ADAM19: variants seen among roughly 807,000 people sequenced by gnomAD.
ADAM19 encodes the protein disintegrin and metalloproteinase domain-containing protein 19.
A neutral mutation model predicts 114.7 loss-of-function variants in ADAM19; 65 were observed. That is an observed-to-expected ratio of 0.57 (90% CI 0.46 to 0.70). The LOEUF (loss-of-function observed/expected upper bound fraction) is 0.70, where lower values mean the gene tolerates loss of function less well. Ranked by LOEUF, ADAM19 falls within the 30% of genes least tolerant of loss-of-function variation. The probability of loss-of-function intolerance (pLI) is 0.00; values close to 1 mark genes in which losing one functional copy is unlikely to be tolerated. For synonymous variants in ADAM19, 466 were observed against 460.5 expected (o/e 1.01, Z -0.15); for missense variants, 1,063 against 1,204.7 (o/e 0.88, Z 1.74).
rs369540437 is a variant in ADAM19 at position 157,556,022 on chromosome 5, G to A, written c.251+8351C>T. ...ATCCAAGATAATCTTCTCATCTCAA[G>A]ATCTTTGATTTTGTTGTTGTTGTTG... On this transcript the variant is annotated intron_variant, in intron 3 of 22. Coordinates refer to ENST00000257527, the MANE Select transcript of ADAM19 (RefSeq NM_033274.5). 3.3e-5 allele frequency among the ~76,000 whole-genome samples: 5 copies of A among 152,136 alleles called. No homozygotes were observed. In the East Asian group the frequency reaches 7.7e-4, roughly 24 times the overall value.
chr5:157,507,005 G>T (rs1473497246), intron 10 of ADAM19, 51 bp downstream of exon 10: 1 of 1,496,208 alleles, frequency 6.7e-7, no homozygotes, highest in Non-Finnish European at 9.3e-7. Flanking sequence ...CTCTGGTCTT[G>T]AAAGGCAGCT....
chr5:157,528,444 C>T (rs142922412), intron 5 of ADAM19, among the ~76,000 whole-genome samples: 64 of 152,348 alleles, frequency 4.2e-4, no homozygotes, highest in Admixed American at 1.2e-3. Flanking sequence ...TCTTTTTCCT[C>T]CTTCTTGGGA....
At chr5:157,535,437 T>C (rs977449645) in intron 4 of ADAM19, among the ~76,000 whole-genome samples, 6 of 152,256 alleles carry the variant, frequency 3.9e-5, no homozygotes, top group Non-Finnish European at 7.3e-5. Flanking sequence ...GTTTATTCCA[T>C]TCCCATTTTT....
In ADAM19 at chr5:157,504,409, C is replaced by T. The variant is rs368044461; in HGVS notation, c.1130+1260G>A. Among the ~76,000 whole-genome samples, 122 of 152,202 alleles carry T rather than the reference C, an allele frequency of 8.0e-4. 1 individual carries two copies. Among genetic ancestry groups the T allele is most frequent in the African/African-American group, 2.8e-3 (115 of 41,530 alleles). On this transcript the variant is annotated intron_variant, in intron 11 of 22. Coordinates refer to ENST00000257527, the MANE Select transcript of ADAM19 (RefSeq NM_033274.5). ...GGGACCACAGGCGTGCACCACCACG[C>T]CCAGCTAATTTTTGTATTTTTAGCA... is the stretch of plus-strand genomic sequence containing the variant.
rs1286382949 is a variant in ADAM19 at position 157,478,175 on chromosome 5, A to G, written c.*2774T>C. On this transcript the variant is annotated 3_prime_UTR_variant, in exon 23 of 23. Transcript: ENST00000257527. Reference sequence around the variant, plus strand: ...GATTTACCTACATCCCCATCTGCACAAAGAGCTTGCTAACTCACTAACCCA... The same window carrying G: ...GATTTACCTACATCCCCATCTGCACGAAGAGCTTGCTAACTCACTAACCCA... 6.5e-6 allele frequency: 1 copy of G among 154,644 alleles called. No individual in the cohort carries two copies. The highest frequency in any genetic ancestry group is 1.9e-4 in the East Asian group (1 of 5,296). The allele number at this position is 154,644 out of a possible 1,614,324, so 9.6% of individuals were successfully genotyped here.
intron 9 of ADAM19, among the ~76,000 whole-genome samples, chr5:157,508,506 A>C (rs1157450435): frequency 6.6e-6 from 1 of 152,136 alleles, no homozygotes; most frequent in Non-Finnish European, 1.5e-5. Context: ...AGGCTGAGGC[A>C]CTAGAATTGC....
intron 10 of ADAM19, 94 bp from the exon 11 acceptor site, chr5:157,505,902 TCCA>T: frequency 7.3e-7 from 1 of 1,367,286 alleles, no homozygotes; most frequent in Non-Finnish European, 1.0e-6. Flanking sequence ...CTTGCAGGTC[TCCA>T]CCAATTCCAC....
intron 2 of ADAM19, among the ~76,000 whole-genome samples, chr5:157,565,699 A>C (rs1178701602): frequency 6.8e-6 from 1 of 147,416 alleles, no homozygotes; most frequent in African/African-American, 2.5e-5. Flanking sequence ...ACAGAGCGAG[A>C]CACTCTCTCT....
intron 1 of ADAM19, chr5:157,572,247 G>C (rs1160151034): frequency 4.4e-6 from 2 of 454,914 alleles, no homozygotes; most frequent in Non-Finnish European, 8.8e-6. Flanking sequence ...CACCACACCC[G>C]GCTAATTTTT....
intron 4 of ADAM19, among the ~76,000 whole-genome samples, chr5:157,531,754 G>A (rs1221409772): frequency 1.3e-5 from 2 of 152,056 alleles, no homozygotes; most frequent in Middle Eastern, 3.2e-3. Context: ...CTAACAAGAG[G>A]GAAGGACACA....
chr5:157,536,106 A>G (rs1756757041), intron 4 of ADAM19, among the ~76,000 whole-genome samples: 3 of 152,346 alleles, frequency 2.0e-5, no homozygotes, highest in Middle Eastern at 3.4e-3. Flanking sequence ...TTCCCCATCC[A>G]AGAAAGTCTT....
intron 4 of ADAM19, among the ~76,000 whole-genome samples, chr5:157,531,573 A>G (rs1192863034): frequency 6.6e-6 from 1 of 152,106 alleles, no homozygotes. Flanking sequence ...AGGCCGAGGC[A>G]GGAGAATTGC....
intron 16 of ADAM19, among the ~76,000 whole-genome samples, chr5:157,492,701 T>A (rs1163199968): frequency 6.6e-6 from 1 of 152,202 alleles, no homozygotes; most frequent in East Asian, 1.9e-4. Flanking sequence ...TAACTCCTAG[T>A]CCATTTTTAA....
intron 4 of ADAM19, 105 bp from the exon 5 acceptor site, chr5:157,530,988 C>G: frequency 1.1e-6 from 1 of 917,444 alleles, no homozygotes; most frequent in Admixed American, 1.9e-5. Flanking sequence ...TATATACCTA[C>G]CCAACCTTAT....
In ADAM19 at chr5:157,480,221, G is replaced by C; in HGVS notation, c.*728C>G. On this transcript the variant is annotated 3_prime_UTR_variant, in exon 23 of 23. Transcript: ENST00000257527. ...AGCAACTAAAAATTATCCAGAGTCA[G>C]GAGTCGCAACCTTTGGCATCACGGC... 8.1e-6 allele frequency: 8 copies of C among 986,100 alleles called. No individual in the cohort carries two copies. The highest frequency in any genetic ancestry group is 9.6e-6 in the Non-Finnish European group (8 of 830,060). 61.1% of individuals were successfully genotyped at this position (986,100 alleles called of 1,614,324 possible).
At chr5:157,561,009 G>A (rs943285812) in intron 3 of ADAM19, among the ~76,000 whole-genome samples, 4 of 152,188 alleles carry the variant, frequency 2.6e-5, no homozygotes, top group African/African-American at 9.7e-5. Flanking sequence ...TGCACAAACT[G>A]AGGCTTAAAG....
Position 157,493,118 on chromosome 5 carries a change from T to C in ADAM19, c.1763A>G (p.Asn588Ser), listed in dbSNP as rs777419913. The change falls in exon 16 of 23, where the codon AAC (asparagine) becomes AGC (serine). Residue 588 changes from asparagine (N) to serine (S), a missense_variant. Asn to Ser is a conservative substitution (Grantham distance 46). Transcript: ENST00000257527. ...GATAGTGGTGTCAATGGGCACCGCG[T>C]TGGACTCCAGGGGCCGGGCCTCAGA... ...QSSEARPLES[N>S]AVPIDTTIIM... is the part of the protein sequence containing the mutation. 7.4e-6 allele frequency: 12 copies of C among 1,614,100 alleles called. No individual in the cohort carries two copies. The East Asian group carries it at 1.3e-4, about 18-fold the overall frequency.
chr5:157,481,533 G>T (rs2113681062), intron 22 of ADAM19: 1 of 1,359,336 alleles, frequency 7.4e-7, no homozygotes, highest in East Asian at 2.5e-5. Context: ...CTTGCTCAGG[G>T]TCCCTCCCCA....
At chr5:157,491,318 G>A (rs932684539) in intron 18 of ADAM19, among the ~76,000 whole-genome samples, 6 of 152,100 alleles carry the variant, frequency 3.9e-5, no homozygotes, top group East Asian at 1.9e-4. Context: ...AATAGTCACC[G>A]TGTCCCCTAA....
Sources: gnomAD v4.1 joint callset for allele counts (sites outside exome capture counted in the v4.1 genomes callset) on GRCh38, gnomAD v4.1.1 for gene constraint, MANE v1.5 for transcripts, NCBI Gene and HGNC (gene_info 2026-07-23, HGNC 2026-07-21) for gene names.